The following FOXP2 variants were observed in gnomAD, a reference collection of about 807,000 sequenced individuals.
FOXP2 encodes forkhead box P2, also known as forkhead box protein P2.
FOXP2 carries 12 observed loss-of-function variants against 115.8 expected under a neutral mutation model. The ratio of observed to expected loss-of-function variants is 0.10; its 90% CI spans 0.07 to 0.17. FOXP2 has a LOEUF of 0.17. Among genes scored for constraint, FOXP2 ranks in the 10% least tolerant of loss-of-function variants. The pLI is 1.00. For synonymous variants in FOXP2, 328 were observed against 297.7 expected (o/e 1.10, Z -1.05); for missense variants, 629 against 843.5 (o/e 0.75, Z 3.15).
chr7:114,564,948 C>T (rs1219191386), intron 3 of FOXP2, among the ~76,000 whole-genome samples: 1 of 150,530 alleles, frequency 6.6e-6, no homozygotes, highest in Non-Finnish European at 1.5e-5. Flanking sequence ...GTTGTTATAT[C>T]TTATTAATTC....
chr7:114,676,285 A>G (rs1174805150), intron 16 of FOXP2, among the ~76,000 whole-genome samples: 1 of 152,054 alleles, frequency 6.6e-6, no homozygotes, highest in Non-Finnish European at 1.5e-5. Flanking sequence ...AAGGTATCCA[A>G]ATTAAATTAA....
chr7:114,559,240 A>G (rs1405027316), intron 3 of FOXP2, among the ~76,000 whole-genome samples: 5 of 152,174 alleles, frequency 3.3e-5, no homozygotes. Flanking sequence ...TTTTAGACAC[A>G]TGAAAGATAC....
At chr7:114,534,115 G>T (rs937773654) in intron 2 of FOXP2, among the ~76,000 whole-genome samples, 1 of 151,758 alleles carries the variant, frequency 6.6e-6, no homozygotes, top group Non-Finnish European at 1.5e-5. Flanking sequence ...CCCTTGAATT[G>T]TAAGTACAAA....
At chr7:114,626,949 A>T (rs1804624813) in intron 3 of FOXP2, among the ~76,000 whole-genome samples, 2 of 152,032 alleles carry the variant, frequency 1.3e-5, no homozygotes, top group Admixed American at 1.3e-4. Context: ...CCTTAAAAAT[A>T]CAGAAATATT....
chr7:114,280,123 A>AC (rs1562851355), intron 1 of FOXP2, among the ~76,000 whole-genome samples: 3 of 146,390 alleles, frequency 2.0e-5, no homozygotes, highest in African/African-American at 7.5e-5. Context: ...TAAATAAATA[A>AC]AAACAGGTGG....
intron 1 of FOXP2, among the ~76,000 whole-genome samples, chr7:114,268,700 CTGTG>C (rs61371412): frequency 0.05 from 7,392 of 147,906 alleles, 498 homozygotes; most frequent in African/African-American, 0.16. Context: ...ATACTCCCCA[CTGTG>C]TGTGTGTGTG....
chr7:114,505,684 T>C (rs1464690066), intron 2 of FOXP2, among the ~76,000 whole-genome samples: 1 of 151,556 alleles, frequency 6.6e-6, no homozygotes, highest in Non-Finnish European at 1.5e-5. Context: ...ATTTCTACCA[T>C]TTTTAAAACC....
chr7:114,650,246 A>G (rs927915185), intron 8 of FOXP2, among the ~76,000 whole-genome samples: 1 of 152,132 alleles, frequency 6.6e-6, no homozygotes, highest in Non-Finnish European at 1.5e-5. Context: ...TCATTTTAAA[A>G]AGTGATTTCA....
chr7:114,211,871 G>T (rs749012345), intron 1 of FOXP2, among the ~76,000 whole-genome samples: 17 of 151,984 alleles, frequency 1.1e-4, no homozygotes, highest in Non-Finnish European at 2.2e-4. Context: ...TCAGGAGTTC[G>T]AGACCAGCCT....
At chr7:114,314,931 T>A (rs973994575) in intron 2 of FOXP2, among the ~76,000 whole-genome samples, 4 of 152,172 alleles carry the variant, frequency 2.6e-5, no homozygotes, top group South Asian at 4.1e-4. Flanking sequence ...TAGATGGCTA[T>A]TTAACATTTC....
chr7:114,644,810 TGGTGGGG>T, intron 8 of FOXP2, 21 bp downstream of exon 8: 1 of 1,538,586 alleles, frequency 6.5e-7, no homozygotes, highest in Non-Finnish European at 8.9e-7. Context: ...TACTTTTTTT[TGGTGGGG>T]GGCGGGGGCT....
In FOXP2 at chr7:114,383,668, G is replaced by A. The variant is rs972379560; in HGVS notation, c.-10-42834G>A. 7.9e-5 allele frequency among the ~76,000 whole-genome samples: 12 copies of A among 151,770 alleles called. No individual in the cohort carries two copies. The South Asian group carries it at 1.0e-3, about 13-fold the overall frequency. On this transcript the variant is annotated intron_variant, in intron 2 of 17. Coordinates refer to the FOXP2 transcript ENST00000634411. ...GTTTCTCCCCCTTGAAGAGGATATC[G>A]TGGCCAGGCGGTACTGCAGAAGAAT...
At chr7:114,499,175 C>G in intron 2 of FOXP2, 1 of 456,870 alleles carries the variant, frequency 2.2e-6, no homozygotes. Context: ...ATCATGAGAT[C>G]CAGCTCACTT....
At chr7:114,668,804 T>TA (rs913631943) in intron 16 of FOXP2, 3 of 152,272 alleles carry the variant, frequency 2.0e-5, no homozygotes, top group Admixed American at 6.5e-5. Context: ...CTATGTCAAG[T>TA]AAGCATTCAG....
chr7:114,391,466 T>G (rs572585931), intron 2 of FOXP2, among the ~76,000 whole-genome samples: 1 of 152,274 alleles, frequency 6.6e-6, no homozygotes, highest in South Asian at 2.1e-4. Flanking sequence ...TGATTGCATG[T>G]TTTTTGGTGT....
At chr7:114,575,010 A>G (rs1801503512) in intron 3 of FOXP2, among the ~76,000 whole-genome samples, 1 of 151,986 alleles carries the variant, frequency 6.6e-6, no homozygotes, top group South Asian at 2.1e-4. Context: ...GTTGGAAGAA[A>G]TAAGAAAACA....
intron 2 of FOXP2, among the ~76,000 whole-genome samples, chr7:114,388,209 C>T (rs1204363556): frequency 6.6e-6 from 1 of 152,112 alleles, no homozygotes; most frequent in African/African-American, 2.4e-5. Flanking sequence ...CCTTCTCACA[C>T]TCTTATCAGA....
chr7:114,486,728 C>A (rs1210192318), intron 2 of FOXP2, among the ~76,000 whole-genome samples: 1 of 152,162 alleles, frequency 6.6e-6, no homozygotes, highest in African/African-American at 2.4e-5. Flanking sequence ...CAAAATGAAG[C>A]CATGCAGGCC....
chr7:114,642,322 T>G, intron 6 of FOXP2, 88 bp from the exon 7 acceptor site: 1 of 997,796 alleles, frequency 1.0e-6, no homozygotes, highest in South Asian at 1.4e-5. Context: ...CTGTTGTTGT[T>G]GGTATTAATC....
Sources: allele counts gnomAD v4.1 joint callset (sites outside exome capture counted in the v4.1 genomes callset), GRCh38; gene constraint gnomAD v4.1.1; transcripts MANE v1.5; gene names NCBI Gene and HGNC (gene_info 2026-07-23, HGNC 2026-07-21).